Variants in PDE8B observed in about 807,000 individuals in gnomAD.
The protein encoded by PDE8B is high affinity cAMP-specific and IBMX-insensitive 3',5'-cyclic phosphodiesterase 8B.
PDE8B carries 26 observed loss-of-function variants against 101.3 expected under a neutral mutation model. The ratio of observed to expected loss-of-function variants is 0.26; its 90% CI spans 0.19 to 0.36. The LOEUF (loss-of-function observed/expected upper bound fraction) is 0.36, where lower values mean the gene tolerates loss of function less well. Among genes scored for constraint, PDE8B ranks in the 10% least tolerant of loss-of-function variants. PDE8B has a pLI of 1.00. For missense variants in PDE8B, 810 were observed against 1,163.1 expected, an observed-to-expected ratio of 0.70 and a Z score of 4.42; for synonymous variants, 424 against 429.3, an observed-to-expected ratio of 0.99 and a Z score of 0.15.
the PDE8B span, among the ~76,000 whole-genome samples, chr5:77,151,590 A>G: frequency 1.1e-4 from 17 of 152,218 alleles, no homozygotes; most frequent in Non-Finnish European, 2.5e-4. Flanking sequence ...ATGTGCACAT[A>G]TTCTTTTATT....
intron 1 of PDE8B, among the ~76,000 whole-genome samples, chr5:77,264,520 AAATATCC>A (rs1263327328): frequency 6.6e-6 from 1 of 152,184 alleles, no homozygotes; most frequent in Non-Finnish European, 1.5e-5. Context: ...ACCAGTAATC[AAATATCC>A]TGAGCTAGTC....
intron 1 of PDE8B, among the ~76,000 whole-genome samples, chr5:77,242,176 C>T (rs1481368952): frequency 6.6e-6 from 1 of 152,168 alleles, no homozygotes; most frequent in Non-Finnish European, 1.5e-5. Context: ...GGGAGGGCAG[C>T]CAGAAATGGA....
At chr5:77,178,311 T>C in the PDE8B span, among the ~76,000 whole-genome samples, 1 of 152,252 alleles carries the variant, frequency 6.6e-6, no homozygotes, top group African/African-American at 2.4e-5. Context: ...CCTGGGTCAA[T>C]GTACCCTGAG....
intron 20 of PDE8B, among the ~76,000 whole-genome samples, chr5:77,423,588 G>C (rs1293544105): frequency 1.4e-5 from 2 of 143,112 alleles, no homozygotes. Flanking sequence ...TTGTGGTTTT[G>C]ATTTGCATGT....
the PDE8B span, chr5:77,111,821 G>A: frequency 6.6e-6 from 1 of 152,046 alleles, no homozygotes; most frequent in Non-Finnish European, 1.5e-5. Flanking sequence ...GTTAATTTCA[G>A]CTAAGAAGAG....
At chr5:77,142,165 G>C in the PDE8B span, 97 of 152,260 alleles carry the variant, frequency 6.4e-4, no homozygotes, top group African/African-American at 1.8e-3. Flanking sequence ...TTGCAGTAAA[G>C]AACTGGAACT....
At chr5:77,356,904 G>A (rs1782204678) in intron 10 of PDE8B, among the ~76,000 whole-genome samples, 1 of 152,098 alleles carries the variant, frequency 6.6e-6, no homozygotes, top group South Asian at 2.1e-4. Context: ...GCAGGTGACG[G>A]GATGCTAATG....
chr5:77,264,360 TAC>T (rs1761245240), intron 1 of PDE8B, among the ~76,000 whole-genome samples: 1 of 152,254 alleles, frequency 6.6e-6, no homozygotes, highest in East Asian at 1.9e-4. Flanking sequence ...AAAACAGTTG[TAC>T]CATTTTATAT....
intron 1 of PDE8B, among the ~76,000 whole-genome samples, chr5:77,277,677 G>A (rs1221068246): frequency 6.6e-6 from 1 of 151,718 alleles, no homozygotes; most frequent in African/African-American, 2.4e-5. Flanking sequence ...TTTCTCTTTT[G>A]TTCATTTTAC....
the PDE8B span, among the ~76,000 whole-genome samples, chr5:77,182,961 A>C: frequency 6.6e-6 from 1 of 151,938 alleles, no homozygotes; most frequent in Non-Finnish European, 1.5e-5. Context: ...AAAAGCCACA[A>C]AGAACCTTGT....
At chr5:77,196,120 C>G in the PDE8B span, among the ~76,000 whole-genome samples, 1 of 151,962 alleles carries the variant, frequency 6.6e-6, no homozygotes, top group African/African-American at 2.4e-5. Context: ...TTGGATTGTT[C>G]AGTTTTTTGT....
intron 1 of PDE8B, among the ~76,000 whole-genome samples, chr5:77,287,157 C>T (rs1286251206): frequency 6.6e-6 from 1 of 151,972 alleles, no homozygotes; most frequent in Admixed American, 6.6e-5. Context: ...TTCTAAAGAC[C>T]ACCCTTTATT....
the PDE8B span, among the ~76,000 whole-genome samples, chr5:77,149,538 T>G: frequency 2.0e-5 from 3 of 152,210 alleles, no homozygotes; most frequent in African/African-American, 4.8e-5. Flanking sequence ...TTAATTTTTC[T>G]TAGTAACGTT....
chr5:77,183,865 A>G, the PDE8B span, among the ~76,000 whole-genome samples: 1 of 152,160 alleles, frequency 6.6e-6, no homozygotes, highest in Non-Finnish European at 1.5e-5. Flanking sequence ...CAGTGGATCC[A>G]TTTATTTATA....
At chr5:77,086,906 T>G in the PDE8B span, 1 of 152,294 alleles carries the variant, frequency 6.6e-6, no homozygotes, top group Non-Finnish European at 1.5e-5. Flanking sequence ...TGGAAGACGG[T>G]GAGCGGGGCC....
At chr5:77,220,203 C>G (rs1416937810) in intron 1 of PDE8B, among the ~76,000 whole-genome samples, 1 of 152,196 alleles carries the variant, frequency 6.6e-6, no homozygotes, top group African/African-American at 2.4e-5. Flanking sequence ...GGTGAGGTCT[C>G]TGACACCCAG....
At chr5:77,408,145 G>A (rs1793847732) in intron 13 of PDE8B, among the ~76,000 whole-genome samples, 1 of 152,116 alleles carries the variant, frequency 6.6e-6, no homozygotes, top group Non-Finnish European at 1.5e-5. Context: ...CTGTGGAGGT[G>A]GAGAGAAATG....
chr5:77,195,593 A>G, the PDE8B span, among the ~76,000 whole-genome samples: 2 of 152,206 alleles, frequency 1.3e-5, no homozygotes, highest in African/African-American at 4.8e-5. Context: ...ACAGTAAAAA[A>G]AGAAATCAAT....
chr5:77,362,980 G>T (rs1783410699), intron 10 of PDE8B, among the ~76,000 whole-genome samples: 1 of 152,214 alleles, frequency 6.6e-6, no homozygotes, highest in Admixed American at 6.5e-5. Context: ...CTTGGTCGCT[G>T]TGTCCCCATC....
Sources: allele counts gnomAD v4.1 joint callset (sites outside exome capture counted in the v4.1 genomes callset), GRCh38; gene constraint gnomAD v4.1.1; transcripts MANE v1.5; gene names NCBI Gene and HGNC (gene_info 2026-07-23, HGNC 2026-07-21).